Variants in SNX29 observed in about 807,000 individuals in gnomAD.
SNX29 encodes sorting nexin-29.
Under a neutral mutation model 102.1 loss-of-function variants are expected in SNX29, and 78 were observed. The ratio of observed to expected loss-of-function variants is 0.76; its 90% confidence interval spans 0.64 to 0.92. The LOEUF (loss-of-function observed/expected upper bound fraction) is 0.92. Among genes scored for constraint, SNX29 ranks in the 40% least tolerant of loss-of-function variants. SNX29 has a pLI of 0.00. For missense variants in SNX29, 1,280 were observed against 1,061.7 expected (o/e 1.21, Z -2.86); for synonymous variants, 580 against 414.5 (o/e 1.40, Z -4.85).
chr16:12,238,871 A>G (rs144067053), intron 14 of SNX29, among the ~76,000 whole-genome samples: 56 of 152,074 alleles, frequency 3.7e-4, no homozygotes, highest in African/African-American at 1.2e-3. Flanking sequence ...CTGCTCTACC[A>G]TCCTTAGCTG....
At chr16:12,367,428 C>G (rs528831341) in intron 16 of SNX29, 1 of 152,360 alleles carries the variant, frequency 6.6e-6, no homozygotes, top group South Asian at 2.1e-4. Flanking sequence ...TGTGAGCCGT[C>G]TGTGTTACCT....
At chr16:12,541,203 G>A (rs1048208261) in intron 20 of SNX29, among the ~76,000 whole-genome samples, 5 of 152,096 alleles carry the variant, frequency 3.3e-5, no homozygotes, top group African/African-American at 1.2e-4. Flanking sequence ...GAAGTATTAT[G>A]GAATATTGGT....
chr16:12,239,036 C>T (rs529668834), intron 14 of SNX29, among the ~76,000 whole-genome samples: 1 of 152,316 alleles, frequency 6.6e-6, no homozygotes, highest in South Asian at 2.1e-4. Flanking sequence ...AGTCTCATCT[C>T]ACAACTTGAG....
chr16:12,524,288 G>A (rs1250626065), intron 19 of SNX29, among the ~76,000 whole-genome samples: 1 of 152,090 alleles, frequency 6.6e-6, no homozygotes, highest in Non-Finnish European at 1.5e-5. Flanking sequence ...GGCATTTGGT[G>A]TGATTGATAA....
intron 18 of SNX29, among the ~76,000 whole-genome samples, chr16:12,463,034 G>A (rs1342532016): frequency 1.3e-5 from 2 of 152,186 alleles, no homozygotes; most frequent in Non-Finnish European, 2.9e-5. Flanking sequence ...GCTGCCTCAC[G>A]TGGACTCAGG....
At chr16:12,561,440 C>G (rs943002158) in intron 20 of SNX29, among the ~76,000 whole-genome samples, 7 of 152,130 alleles carry the variant, frequency 4.6e-5, no homozygotes, top group Non-Finnish European at 1.0e-4. Context: ...GGATCCAGCC[C>G]TCTAAGCTTC....
chr16:12,562,620 C>G (rs141458372), intron 20 of SNX29, among the ~76,000 whole-genome samples: 2 of 152,198 alleles, frequency 1.3e-5, no homozygotes, highest in African/African-American at 4.8e-5. Context: ...TTGAGAGCTA[C>G]AGGCTATCAG....
At chr16:12,302,169 T>G (rs2080193161) in intron 15 of SNX29, among the ~76,000 whole-genome samples, 1 of 152,150 alleles carries the variant, frequency 6.6e-6, no homozygotes, top group Non-Finnish European at 1.5e-5. Flanking sequence ...GATGTGTTGG[T>G]GGGATGGACG....
At chr16:12,214,156 A>G (rs982472580) in intron 14 of SNX29, among the ~76,000 whole-genome samples, 1 of 152,174 alleles carries the variant, frequency 6.6e-6, no homozygotes, top group African/African-American at 2.4e-5. Context: ...TTCTTCTCCC[A>G]AATCACTGCA....
At chr16:12,294,903 A>G (rs190701740) in intron 15 of SNX29, among the ~76,000 whole-genome samples, 2 of 152,312 alleles carry the variant, frequency 1.3e-5, no homozygotes, top group East Asian at 3.9e-4. Flanking sequence ...TTTAAAAAAA[A>G]AAGGCTTAAT....
chr16:12,434,586 C>T (rs747326102), intron 18 of SNX29, among the ~76,000 whole-genome samples: 8 of 152,202 alleles, frequency 5.3e-5, no homozygotes, highest in Non-Finnish European at 7.4e-5. Flanking sequence ...CTTGTGTACC[C>T]TGCAACCCCC....
chr16:12,196,490 C>A (rs1451249347), intron 13 of SNX29, among the ~76,000 whole-genome samples: 2 of 152,114 alleles, frequency 1.3e-5, no homozygotes. Flanking sequence ...GTAAGGGGGT[C>A]TTGCTACTGT....
chr16:11,993,026 G>C (rs139490956), intron 1 of SNX29, among the ~76,000 whole-genome samples: 2 of 151,984 alleles, frequency 1.3e-5, no homozygotes, highest in East Asian at 1.9e-4. Context: ...TTAGCCAAGC[G>C]TGGTGGTGGG....
chr16:12,444,023 A>G (rs1224158896), intron 18 of SNX29, among the ~76,000 whole-genome samples: 1 of 152,024 alleles, frequency 6.6e-6, no homozygotes, highest in Non-Finnish European at 1.5e-5. Context: ...AGCACGTAGT[A>G]AGCACTCAGT....
chr16:12,417,402 A>G (rs9746199), intron 18 of SNX29, among the ~76,000 whole-genome samples: 85,423 of 151,896 alleles, frequency 0.56, 24,551 homozygotes, highest in Non-Finnish European at 0.63. Flanking sequence ...GCATCTGTCT[A>G]TGAGGGCCAG....
chr16:12,126,614 C>T lies in SNX29; in HGVS notation c.1403-19C>T. On this transcript the variant is annotated intron_variant, in intron 11 of 20. Coordinates refer to ENST00000566228, the MANE Select transcript of SNX29 (RefSeq NM_032167.5). ...GGCAAGACCTGCCAATTAATCTTGA[C>T]TTTGTTTTCTTCCCTTAGGTGAACT... 1 of 1,613,492 alleles carries T rather than the reference C, an allele frequency of 6.2e-7. No homozygotes were observed. Among genetic ancestry groups the T allele is most frequent in the Non-Finnish European group, 8.5e-7 (1 of 1,179,652 alleles).
intron 20 of SNX29, 57 bp from the exon 21 acceptor site, chr16:12,568,449 T>C (rs1650676961): frequency 6.3e-7 from 1 of 1,597,050 alleles, no homozygotes; most frequent in Non-Finnish European, 8.5e-7. Flanking sequence ...CTTCCTGGCC[T>C]GTGGTCATTT....
At chr16:12,478,053 G>A (rs1016786617) in intron 19 of SNX29, among the ~76,000 whole-genome samples, 194 bp downstream of exon 19, 2 of 152,228 alleles carry the variant, frequency 1.3e-5, no homozygotes, top group Non-Finnish European at 2.9e-5. Flanking sequence ...CGTCATGTGT[G>A]TGTGTATGTC....
intron 20 of SNX29, among the ~76,000 whole-genome samples, chr16:12,557,026 GCCCC>G (rs1275475208): frequency 4.3e-4 from 5 of 11,590 alleles, no homozygotes; most frequent in African/African-American, 9.8e-4. Flanking sequence ...CCCCCCCCCC[GCCCC>G]AAGATGAGGT....
Sources: allele counts gnomAD v4.1 joint callset (sites outside exome capture counted in the v4.1 genomes callset), GRCh38; gene constraint gnomAD v4.1.1; transcripts MANE v1.5; gene names NCBI Gene and HGNC (gene_info 2026-07-23, HGNC 2026-07-21).